The following SLIT3 variants were observed in gnomAD, a reference collection of about 807,000 sequenced individuals.
The protein encoded by SLIT3 is slit homolog 3 protein.
SLIT3 carries 68 observed loss-of-function variants against 184.0 expected under a neutral mutation model. The observed-to-expected ratio is 0.37, with a 90% CI of 0.30 to 0.45. SLIT3 has a LOEUF of 0.45. Ranked by LOEUF, SLIT3 falls within the 20% of genes least tolerant of loss-of-function variation. SLIT3 has a pLI of 1.00. For synonymous variants in SLIT3, 831 were observed against 828.6 expected, an observed-to-expected ratio of 1.00 and a Z score of -0.05; for missense variants, 1,707 against 2,026.0, an observed-to-expected ratio of 0.84 and a Z score of 3.02.
At chr5:169,258,425 G>A (rs1391606941) in intron 1 of SLIT3, among the ~76,000 whole-genome samples, 1 of 152,174 alleles carries the variant, frequency 6.6e-6, no homozygotes, top group African/African-American at 2.4e-5. Flanking sequence ...TTCCTACCCT[G>A]TCTCCCAGTG....
rs571196218 is a variant in SLIT3, at chr5:169,283,644, G to A, written c.197+16869C>T. Among the ~76,000 whole-genome samples, 5 of 152,224 alleles carry A rather than the reference G, an allele frequency of 3.3e-5. No homozygotes were observed. The South Asian group carries it at 1.0e-3, about 32-fold the overall frequency. On this transcript the variant is annotated intron_variant, in intron 1 of 35. Coordinates refer to ENST00000519560, the MANE Select transcript of SLIT3 (RefSeq NM_003062.4). ...CAATGCATGTCTACTACAATGGAGG[G>A]GACTGAGGGACTTATGACAATTTCA...
At chr5:168,771,138 AATT>A (rs1395819447) in intron 14 of SLIT3, among the ~76,000 whole-genome samples, 2 of 152,276 alleles carry the variant, frequency 1.3e-5, no homozygotes, top group African/African-American at 4.8e-5. Context: ...TGGCAGAGCT[AATT>A]AACTCAGCCC....
intron 27 of SLIT3, among the ~76,000 whole-genome samples, chr5:168,698,642 A>C (rs916347153): frequency 3.3e-5 from 5 of 152,076 alleles, no homozygotes; most frequent in Non-Finnish European, 7.4e-5. Flanking sequence ...TGGCAGCCCT[A>C]AGGAATTACT....
intron 4 of SLIT3, among the ~76,000 whole-genome samples, chr5:168,949,938 TGA>T (rs1326385108): frequency 6.6e-6 from 1 of 152,170 alleles, no homozygotes; most frequent in East Asian, 1.9e-4. Context: ...GTGTGTAAGG[TGA>T]GGTCACAGCT....
At chr5:168,953,819 C>T (rs1317527911) in intron 4 of SLIT3, among the ~76,000 whole-genome samples, 1 of 152,218 alleles carries the variant, frequency 6.6e-6, no homozygotes. Context: ...ATTGGGGCAA[C>T]AGAATCAAAC....
At chr5:169,132,963 T>C (rs1761360483) in intron 4 of SLIT3, among the ~76,000 whole-genome samples, 1 of 152,246 alleles carries the variant, frequency 6.6e-6, no homozygotes, top group South Asian at 2.1e-4. Flanking sequence ...AAGCCATTGC[T>C]TTTGTTCCTA....
chr5:169,145,284 AAC>A (rs146002850), intron 4 of SLIT3, among the ~76,000 whole-genome samples: 2,762 of 152,266 alleles, frequency 0.018, 94 homozygotes, highest in African/African-American at 0.063. Flanking sequence ...CTACAGAGGA[AAC>A]ACAATTTATT....
At chr5:168,757,578 C>T (rs577289912) in intron 16 of SLIT3, among the ~76,000 whole-genome samples, 6 of 152,278 alleles carry the variant, frequency 3.9e-5, no homozygotes, top group East Asian at 1.9e-4. Context: ...GCACTACAGG[C>T]GCCTGCCATT....
intron 6 of SLIT3, among the ~76,000 whole-genome samples, chr5:168,839,032 A>G (rs1169909810): frequency 6.6e-6 from 1 of 152,196 alleles, no homozygotes; most frequent in African/African-American, 2.4e-5. Context: ...TCATAGGCAT[A>G]AAACCAATTA....
intron 14 of SLIT3, among the ~76,000 whole-genome samples, chr5:168,766,827 G>T (rs911446312): frequency 6.6e-6 from 1 of 152,248 alleles, no homozygotes; most frequent in Non-Finnish European, 1.5e-5. Flanking sequence ...GAGAGGAACA[G>T]CCATTTGAAT....
rs766484800 is a variant in SLIT3 at position 168,749,464 on chromosome 5, C to G, written c.2137+8G>C. 5.6e-6 allele frequency: 9 copies of G among 1,613,976 alleles called. No individual in the cohort carries two copies. The highest frequency in any genetic ancestry group is 1.3e-5 in the African/African-American group (1 of 74,928). On this transcript the variant is annotated splice_region_variant and intron_variant, in intron 19 of 35. Coordinates refer to ENST00000519560, the MANE Select transcript of SLIT3 (RefSeq NM_003062.4). The stretch of plus-strand genomic sequence containing the variant: ...TTCCCCGCAGACCTTGACCCACAGC[C>G]TTCTTACCATCACAGGTGAAGTCCT...
intron 4 of SLIT3, among the ~76,000 whole-genome samples, chr5:168,984,063 A>T (rs541873377): frequency 2.9e-4 from 43 of 147,202 alleles, no homozygotes; most frequent in South Asian, 2.1e-3. Flanking sequence ...ATATATATAT[A>T]TTTTTTTTAA....
intron 4 of SLIT3, among the ~76,000 whole-genome samples, chr5:169,146,696 C>A (rs1011318566): frequency 6.6e-6 from 1 of 152,218 alleles, no homozygotes; most frequent in East Asian, 1.9e-4. Context: ...GACACCTGTG[C>A]CAAACACCCA....
At chr5:168,971,706 G>A (rs1754583261) in intron 4 of SLIT3, among the ~76,000 whole-genome samples, 1 of 152,228 alleles carries the variant, frequency 6.6e-6, no homozygotes. Flanking sequence ...GATGTCCACA[G>A]CAAGTAAGCC....
At position 169,088,836 on chromosome 5, in the gene SLIT3, A is replaced by G. The variant is rs564396612; in HGVS notation, c.413+104643T>C. 8.3e-4 allele frequency among the ~76,000 whole-genome samples: 126 copies of G among 151,946 alleles called. 1 individual carries two copies. Among genetic ancestry groups the G allele is most frequent in the African/African-American group, 2.9e-3 (122 of 41,454 alleles). On this transcript the variant is annotated intron_variant, in intron 4 of 35. Coordinates refer to ENST00000519560, the MANE Select transcript of SLIT3 (RefSeq NM_003062.4). ...GGAGTTCAAGACCAGCCTGGCCAAC[A>G]TGGCAAAACCCTGTCTCTACTAGAA...
At chr5:169,128,580 C>A (rs145138096) in intron 4 of SLIT3, among the ~76,000 whole-genome samples, 1 of 152,210 alleles carries the variant, frequency 6.6e-6, no homozygotes, top group South Asian at 2.1e-4. Context: ...AGGCTCCCAA[C>A]ACCACGCCTG....
intron 4 of SLIT3, among the ~76,000 whole-genome samples, chr5:169,116,784 G>T (rs191057780): frequency 6.6e-6 from 1 of 152,302 alleles, no homozygotes; most frequent in African/African-American, 2.4e-5. Context: ...ACCAGTGCTG[G>T]GGAAAAGTCC....
chr5:168,937,530 G>T (rs1214037617), intron 4 of SLIT3, among the ~76,000 whole-genome samples: 1 of 152,118 alleles, frequency 6.6e-6, no homozygotes, highest in Non-Finnish European at 1.5e-5. Flanking sequence ...AGTCAACTAG[G>T]CAGATCAGAT....
At position 169,057,581 on chromosome 5, in the gene SLIT3, C is replaced by T. The variant is rs75137436; in HGVS notation, c.413+135898G>A. Reference sequence around the variant, plus strand: ...GTCAGAGGCTCTACTAGGAAGCAGGCGTGCGAGGACCTCTCAGTAGAAGCA... The same window carrying T: ...GTCAGAGGCTCTACTAGGAAGCAGGTGTGCGAGGACCTCTCAGTAGAAGCA... On this transcript the variant is annotated intron_variant, in intron 4 of 35. Coordinates refer to ENST00000519560, the MANE Select transcript of SLIT3 (RefSeq NM_003062.4). Among the ~76,000 whole-genome samples the T allele has an allele frequency of 4.7e-3, 708 of 152,228 alleles. 2 individuals carry two copies. The highest frequency in any genetic ancestry group is 0.027 in the Middle Eastern group (8 of 294).
Sources: allele counts gnomAD v4.1 joint callset (sites outside exome capture counted in the v4.1 genomes callset), GRCh38; gene constraint gnomAD v4.1.1; transcripts MANE v1.5; gene names NCBI Gene and HGNC (gene_info 2026-07-23, HGNC 2026-07-21).